The following ANK2 variants were observed in gnomAD, a reference collection of about 807,000 sequenced individuals.
ANK2 encodes ankyrin 2.
ANK2 carries 83 observed loss-of-function variants against 360.5 expected under a neutral mutation model. The ratio of observed to expected loss-of-function variants is 0.23; its 90% CI spans 0.19 to 0.28. ANK2 has a LOEUF of 0.28. Among genes scored for constraint, ANK2 ranks in the 10% least tolerant of loss-of-function variants. The pLI is 1.00. For missense variants in ANK2, 4,201 were observed against 4,795.7 expected, an observed-to-expected ratio of 0.88 and a Z score of 3.66; for synonymous variants, 1,740 against 1,759.5, an observed-to-expected ratio of 0.99 and a Z score of 0.28.
chr4:113,167,686 T>C (rs1357565162), intron 1 of ANK2, among the ~76,000 whole-genome samples: 1 of 152,184 alleles, frequency 6.6e-6, no homozygotes, highest in Non-Finnish European at 1.5e-5. Context: ...CATCTTGATA[T>C]GTAGGAAGTG....
At chr4:113,031,732 T>C (rs561550464) in intron 2 of ANK2, among the ~76,000 whole-genome samples, 1 of 152,084 alleles carries the variant, frequency 6.6e-6, no homozygotes, top group East Asian at 1.9e-4. Flanking sequence ...AAGCTTCTCA[T>C]TAAACAAGAA....
intron 1 of ANK2, among the ~76,000 whole-genome samples, chr4:112,818,765 T>C (rs962147930): frequency 1.3e-5 from 2 of 152,172 alleles, no homozygotes; most frequent in Admixed American, 1.3e-4. Context: ...AGAGATTTAA[T>C]TAGTTTTTGG....
At chr4:113,223,857 T>C (rs1046049829) in intron 4 of ANK2, among the ~76,000 whole-genome samples, 2 of 152,176 alleles carry the variant, frequency 1.3e-5, no homozygotes, top group African/African-American at 4.8e-5. Context: ...AAGGTTGTAG[T>C]GAAGATGTTA....
intron 2 of ANK2, among the ~76,000 whole-genome samples, chr4:113,024,980 C>T (rs2058961804): frequency 2.6e-5 from 4 of 152,038 alleles, no homozygotes; most frequent in Admixed American, 2.6e-4. Flanking sequence ...TTTGGCACCT[C>T]TCTTTTTGTA....
chr4:112,936,068 G>A (rs1238427192), intron 2 of ANK2, among the ~76,000 whole-genome samples: 1 of 152,224 alleles, frequency 6.6e-6, no homozygotes, highest in Non-Finnish European at 1.5e-5. Flanking sequence ...TCTGTCACTA[G>A]CTCAAAATGA....
intron 2 of ANK2, among the ~76,000 whole-genome samples, chr4:113,180,121 TAGC>T (rs1375113791): frequency 6.6e-6 from 1 of 152,244 alleles, no homozygotes; most frequent in Non-Finnish European, 1.5e-5. Context: ...AGCAGACCTT[TAGC>T]AACAAGAAGA....
intron 1 of ANK2, among the ~76,000 whole-genome samples, chr4:113,098,493 G>C (rs550082728): frequency 6.6e-6 from 1 of 152,072 alleles, no homozygotes; most frequent in South Asian, 2.1e-4. Flanking sequence ...TATACAAAAA[G>C]AAATAGGTGA....
chr4:113,317,464 G>A (rs2083495166), intron 24 of ANK2: 1 of 537,258 alleles, frequency 1.9e-6, no homozygotes, highest in African/African-American at 1.9e-5. Flanking sequence ...CAGATTAGGA[G>A]TATCAAATTT....
chr4:113,349,733 CTGAA>C (rs2095272444), intron 36 of ANK2, among the ~76,000 whole-genome samples: 1 of 152,120 alleles, frequency 6.6e-6, no homozygotes, highest in South Asian at 2.1e-4. Context: ...AATTTTCCTA[CTGAA>C]TACTTTCTGG....
chr4:113,370,857 A>G (rs2096713692), intron 43 of ANK2, among the ~76,000 whole-genome samples: 1 of 152,184 alleles, frequency 6.6e-6, no homozygotes, highest in African/African-American at 2.4e-5. Context: ...ATCCCTCCTC[A>G]GAAATCCTGA....
At position 113,354,363 on chromosome 4, in the gene ANK2, T is replaced by C. The variant is rs1178505082; in HGVS notation, c.5745T>C (p.Pro1915=). 3 of 1,614,026 alleles carry C rather than the reference T, an allele frequency of 1.9e-6. No homozygotes were observed. The highest frequency in any genetic ancestry group is 2.5e-6 in the Non-Finnish European group (3 of 1,179,970). The change falls in exon 38 of 46, where the codon CCT becomes CCC. Residue 1915 remains proline, a synonymous_variant. Transcript: ENST00000357077. ...SPSGKTDKRP[P]VSPSGRTEKH... is the part of the protein sequence containing the mutation. ...CAGGCAAAACAGACAAACGTCCACC[T>C]GTATCGCCCTCCGGGAGGACAGAAA...
chr4:113,332,450 G>A (rs1001264419), intron 28 of ANK2, among the ~76,000 whole-genome samples: 1 of 152,232 alleles, frequency 6.6e-6, no homozygotes. Context: ...TAATAGGGCA[G>A]TGCATGTTCC....
At position 113,323,929 on chromosome 4, in the gene ANK2, G is replaced by C. The variant is rs889946897; in HGVS notation, c.2900+5309G>C. 9 of 711,182 alleles carry C rather than the reference G, an allele frequency of 1.3e-5. No homozygotes were observed. The Admixed American group carries it at 2.3e-4, about 18-fold the overall frequency. 44.1% of individuals were successfully genotyped at this position (711,182 alleles called of 1,614,324 possible). ...TAGCCAAAGAGATAGAAAGATTGAT[G>C]TTCTCCAAATTGTGGCTATTGCTGA... On this transcript the variant is annotated intron_variant, in intron 26 of 45. Transcript: ENST00000357077.
At chr4:112,957,963 C>T (rs974934241) in intron 2 of ANK2, among the ~76,000 whole-genome samples, 7 of 151,214 alleles carry the variant, frequency 4.6e-5, no homozygotes, top group East Asian at 2.0e-4. Context: ...GACGGGGCGG[C>T]GGGGCAGAGG....
intron 45 of ANK2, among the ~76,000 whole-genome samples, chr4:113,374,060 A>G (rs1486240291): frequency 1.3e-5 from 2 of 152,132 alleles, no homozygotes; most frequent in East Asian, 3.9e-4. Context: ...AGTAGCTGGG[A>G]TTACAGGCAC....
At chr4:112,791,161 C>T in the ANK2 span, among the ~76,000 whole-genome samples, 1 of 152,144 alleles carries the variant, frequency 6.6e-6, no homozygotes, top group Non-Finnish European at 1.5e-5. Context: ...AACTTTCTAA[C>T]ATATGAGAGT....
chr4:112,711,604 G>A, the ANK2 span, among the ~76,000 whole-genome samples: 5 of 152,098 alleles, frequency 3.3e-5, no homozygotes, highest in African/African-American at 1.2e-4. Flanking sequence ...ATCACCTGAT[G>A]TCAGGAGTTC....
the ANK2 span, among the ~76,000 whole-genome samples, chr4:112,714,541 A>C: frequency 6.6e-6 from 1 of 152,218 alleles, no homozygotes; most frequent in African/African-American, 2.4e-5. Context: ...CAAGACAAGC[A>C]CTCATTTCTA....
rs1452472510 is a variant in ANK2 at position 113,365,679 on chromosome 4, TC to T, written c.11032+498del. On this transcript the variant is annotated intron_variant, in intron 41 of 45. Coordinates refer to ENST00000357077, the MANE Select transcript of ANK2 (RefSeq NM_001148.6). ...TGGTCTCTAACACTGTTTTTTTTTT[TC>T]TCTCTCTCTCTTATCTCTATTTTAC... is the stretch of plus-strand genomic sequence containing the variant. 2.8e-4 allele frequency among the ~76,000 whole-genome samples: 42 copies of T among 149,238 alleles called. No individual in the cohort carries two copies. The Middle Eastern group carries it at 0.011, about 38-fold the overall frequency.
Sources: gnomAD v4.1 joint callset for allele counts (sites outside exome capture counted in the v4.1 genomes callset) on GRCh38, gnomAD v4.1.1 for gene constraint, MANE v1.5 for transcripts, NCBI Gene and HGNC (gene_info 2026-07-23, HGNC 2026-07-21) for gene names.